MGAM: variants seen among roughly 807,000 people sequenced by gnomAD.
MGAM encodes maltase-glucoamylase.
A neutral mutation model predicts 358.8 loss-of-function variants in MGAM; 253 were observed. The ratio of observed to expected loss-of-function variants is 0.71; its 90% CI spans 0.64 to 0.78. The LOEUF is 0.78. MGAM is among the 30% of genes least tolerant of loss of function. MGAM has a pLI of 0.00. For synonymous variants in MGAM, 1,105 were observed against 1,227.1 expected (o/e 0.90, Z 2.08); for missense variants, 3,080 against 3,432.6 (o/e 0.90, Z 2.57).
chr7:142,014,289 A>C (rs1554455317), intron 3 of MGAM, among the ~76,000 whole-genome samples: 1 of 152,088 alleles, frequency 6.6e-6, no homozygotes, highest in African/African-American at 2.4e-5. Flanking sequence ...GAATGTTTTC[A>C]GTCTCTGTTT....
At chr7:142,067,258 G>C (rs1812846137) in intron 41 of MGAM, 83 bp from the exon 42 acceptor site, 16 of 1,106,796 alleles carry the variant, frequency 1.4e-5, no homozygotes, top group Middle Eastern at 2.2e-4. Flanking sequence ...TTTCCGACTT[G>C]GATCTGAACT....
At chr7:141,989,093 TG>T (rs1803826762) in intron 2 of MGAM, among the ~76,000 whole-genome samples, 1 of 140,402 alleles carries the variant, frequency 7.1e-6, no homozygotes, top group East Asian at 2.6e-4. Context: ...TGAGTGTGTG[TG>T]TGTGTGTGTG....
chr7:141,993,370 A>C (rs1804026948), upstream of MGAM, among the ~76,000 whole-genome samples: 2 of 152,232 alleles, frequency 1.3e-5, no homozygotes, highest in Admixed American at 6.5e-5. Context: ...AATAAATTTT[A>C]AAAAAGCATA....
Position 142,099,622 on chromosome 7 carries a change from A to G in MGAM, c.7759A>G (p.Ile2587Val), listed in dbSNP as rs1348301097. The change falls in exon 67 of 71, where the codon ATT (isoleucine) becomes GTT (valine). Residue 2587 changes from isoleucine (I) to valine (V), a missense_variant. Ile to Val is a conservative substitution (Grantham distance 29, BLOSUM62 3). Coordinates refer to ENST00000475668, the MANE Select transcript of MGAM (RefSeq NM_001365693.1). ...RWYDYYTGVD[I>V]NARGEWKTLP... The stretch of plus-strand genomic sequence containing the variant: ...CTTCTTCTGCCTCCAGGGTGTGGAT[A>G]TTAATGCAAGAGGAGAGTGGAAGAC... 4 of 1,613,894 alleles carry G rather than the reference A, an allele frequency of 2.5e-6. No homozygotes were observed. Among genetic ancestry groups the G allele is most frequent in the African/African-American group, 1.3e-5 (1 of 75,038 alleles).
chr7:142,068,657 A>G lies in MGAM; in HGVS notation c.5015A>G (p.Asn1672Ser), dbSNP rs1813057859. The change falls in exon 43 of 71, where the codon AAT (asparagine) becomes AGT (serine). Residue 1672 changes from asparagine to serine, a missense_variant. Physicochemically the swap from Asn to Ser is conservative, Grantham distance 46. Coordinates refer to ENST00000475668, the MANE Select transcript of MGAM (RefSeq NM_001365693.1). ...VSPVLERNAR[N>S]VTAYFPRARW... ...TGTGTTTCATTTTAGAATGCCAGAA[A>G]TGTCACTGCATATTTCCCTAGAGCC... is the stretch of plus-strand genomic sequence containing the variant. 1 of 1,539,444 alleles carries G rather than the reference A, an allele frequency of 6.5e-7. No homozygotes were observed. Among genetic ancestry groups the G allele is most frequent in the South Asian group, 1.1e-5 (1 of 88,952 alleles).
chr7:142,105,528 T>C (rs959645323), intron 70 of MGAM, among the ~76,000 whole-genome samples: 1 of 152,136 alleles, frequency 6.6e-6, no homozygotes, highest in Non-Finnish European at 1.5e-5. Context: ...CCTCAAATGA[T>C]CCACCCACCT....
chr7:142,068,603 G>T lies in MGAM; in HGVS notation c.5005-44G>T, dbSNP rs1163297108. On this transcript the variant is annotated intron_variant, in intron 42 of 70. Coordinates refer to ENST00000475668, the MANE Select transcript of MGAM (RefSeq NM_001365693.1). Reference sequence around the variant, plus strand: ...CTAAGCAGTTTGGTTACTCTGTCCTGGAAAATGGTGGCACTGCCTCACCTT... The same window carrying T: ...CTAAGCAGTTTGGTTACTCTGTCCTTGAAAATGGTGGCACTGCCTCACCTT... 27 of 1,402,644 alleles carry T rather than the reference G, an allele frequency of 1.9e-5. 5 individuals are homozygous for T. The highest frequency in any genetic ancestry group is 2.6e-5 in the Non-Finnish European group (26 of 996,670). 86.9% of individuals were successfully genotyped at this position (1,402,644 alleles called of 1,614,324 possible).
At chr7:142,075,640 T>G (rs1252959268) in intron 45 of MGAM, among the ~76,000 whole-genome samples, 1 of 146,190 alleles carries the variant, frequency 6.8e-6, no homozygotes, top group Non-Finnish European at 1.6e-5. Context: ...GAACAGATGT[T>G]TTTCCAAGGA....
chr7:142,090,195 G>A lies in MGAM; in HGVS notation c.6811-1718G>A, dbSNP rs1815234270. Among the ~76,000 whole-genome samples, 2 of 145,936 alleles carry A rather than the reference G, an allele frequency of 1.4e-5. 1 individual carries two copies. Among genetic ancestry groups the A allele is most frequent in the African/African-American group, 4.9e-5 (2 of 41,046 alleles). On this transcript the variant is annotated intron_variant, in intron 57 of 70. Coordinates refer to ENST00000475668, the MANE Select transcript of MGAM (RefSeq NM_001365693.1). ...AGGTGTAAGGTAGAGCCAGCACGTT[G>A]GAGAACGGCAGAACATTTTTATGAA...
chr7:142,084,762 T>C lies in MGAM; in HGVS notation c.6507+118T>C, dbSNP rs1814610437. On this transcript the variant is annotated intron_variant, in intron 54 of 70. Transcript: ENST00000475668. ...AGACATAATGTTCTTTTTCAGACAA[T>C]ATCACAGTTAGCCTCACCCCAGCAC... The C allele has an allele frequency of 3.0e-6, 4 of 1,335,922 alleles. 1 individual carries two copies. The highest frequency in any genetic ancestry group is 4.1e-6 in the Non-Finnish European group (4 of 974,412). 82.8% of individuals were successfully genotyped at this position (1,335,922 alleles called of 1,614,324 possible).
chr7:142,012,145 C>T (rs1300398632), intron 3 of MGAM, among the ~76,000 whole-genome samples: 3 of 152,174 alleles, frequency 2.0e-5, no homozygotes, highest in Non-Finnish European at 4.4e-5. Context: ...TCTCATTCTA[C>T]TCATTTTCTT....
At chr7:142,031,592 C>A in intron 12 of MGAM, 88 bp from the exon 13 acceptor site, 2 of 871,596 alleles carry the variant, frequency 2.3e-6, no homozygotes, top group South Asian at 1.7e-5. Context: ...TTGCTGTGAT[C>A]ATATTAGGAA....
At chr7:142,059,364 TCAA>T in intron 31 of MGAM, 105 bp from the exon 32 acceptor site, 11 of 1,492,218 alleles carry the variant, frequency 7.4e-6, no homozygotes, top group Non-Finnish European at 9.9e-6. Flanking sequence ...TTTGAATGCA[TCAA>T]CAAGAAGCTG....
chr7:142,040,929 C>A, intron 21 of MGAM, 83 bp downstream of exon 21: 1 of 1,477,394 alleles, frequency 6.8e-7, no homozygotes, highest in Non-Finnish European at 9.1e-7. Flanking sequence ...CACTAACAGC[C>A]AGGTGGTCAG....
At chr7:142,065,187 G>A (rs1812600577) in intron 37 of MGAM, 148 bp from the exon 38 acceptor site, 2 of 1,121,032 alleles carry the variant, frequency 1.8e-6, no homozygotes, top group Admixed American at 5.0e-5. Flanking sequence ...TCTGGGATCA[G>A]TGGAACTCCT....
chr7:142,000,595 G>A (rs782159361), intron 1 of MGAM, among the ~76,000 whole-genome samples: 2 of 152,100 alleles, frequency 1.3e-5, no homozygotes, highest in Non-Finnish European at 2.9e-5. Flanking sequence ...AAAAACACCT[G>A]CCGTGTGATG....
intron 3 of MGAM, among the ~76,000 whole-genome samples, chr7:142,013,904 C>T (rs1805783316): frequency 6.6e-6 from 1 of 152,128 alleles, no homozygotes; most frequent in Admixed American, 6.6e-5. Context: ...TTCTCTTTTT[C>T]TCTATTTCCT....
intron 64 of MGAM, chr7:142,096,017 CAGG>C: frequency 1.7e-6 from 1 of 596,398 alleles, no homozygotes; most frequent in South Asian, 2.2e-5. Context: ...AGCCAGATCA[CAGG>C]AGAAGGATTT....
intron 37 of MGAM, among the ~76,000 whole-genome samples, chr7:142,064,950 T>G (rs1448988698): frequency 6.6e-6 from 1 of 152,222 alleles, no homozygotes; most frequent in South Asian, 2.1e-4. Context: ...GGTATTGTAC[T>G]GAATTAGCAC....
Sources: allele counts gnomAD v4.1 joint callset (sites outside exome capture counted in the v4.1 genomes callset), GRCh38; gene constraint gnomAD v4.1.1; transcripts MANE v1.5; gene names NCBI Gene and HGNC (gene_info 2026-07-23, HGNC 2026-07-21).